The following ST6GALNAC1 variants were observed in gnomAD, a reference collection of about 807,000 sequenced individuals.
The protein encoded by ST6GALNAC1 is ST6 N-acetylgalactosaminide alpha-2,6-sialyltransferase 1.
Under a neutral mutation model 56.8 loss-of-function variants are expected in ST6GALNAC1, and 45 were observed. That is an observed-to-expected ratio of 0.79 (90% confidence interval 0.62 to 1.02). ST6GALNAC1 has a LOEUF of 1.02. ST6GALNAC1 is among the 50% of genes least tolerant of loss of function. The pLI is 0.00. For synonymous variants in ST6GALNAC1, 295 were observed against 297.8 expected (o/e 0.99, Z 0.10); for missense variants, 743 against 754.8 (o/e 0.98, Z 0.18).
intron 1 of ST6GALNAC1, among the ~76,000 whole-genome samples, chr17:76,640,657 A>G (rs1005540087): frequency 5.3e-5 from 8 of 152,372 alleles, no homozygotes; most frequent in Non-Finnish European, 1.2e-4. Context: ...CTTAAAGAAC[A>G]AAAGTACAGA....
chr17:76,621,163 C>T (rs372420662), downstream of ST6GALNAC1, among the ~76,000 whole-genome samples: 79 of 146,870 alleles, frequency 5.4e-4, no homozygotes, highest in African/African-American at 1.8e-3. Context: ...TTCTTTTCTT[C>T]TCTTTTCTTT....
the ST6GALNAC1 span, among the ~76,000 whole-genome samples, chr17:76,619,133 C>T: frequency 6.6e-6 from 1 of 152,184 alleles, no homozygotes. Context: ...TTGATGTGTT[C>T]CATTCTTTAA....
chr17:76,632,353 A>G (rs2075915702), intron 1 of ST6GALNAC1, among the ~76,000 whole-genome samples: 1 of 152,036 alleles, frequency 6.6e-6, no homozygotes, highest in Non-Finnish European at 1.5e-5. Flanking sequence ...GGTTTTTGAC[A>G]TCACACATCT....
Position 76,627,251 on chromosome 17 carries a change from TG to T in ST6GALNAC1, c.1001-14del. On this transcript the variant is annotated splice_polypyrimidine_tract_variant and intron_variant, in intron 3 of 8. Coordinates refer to ENST00000156626, the MANE Select transcript of ST6GALNAC1 (RefSeq NM_018414.5). This position sits in a 1 kb window ranked among gnomAD's most constrained non-coding sequence, Gnocchi z 4.4. ...ACCTTCTGCACCACTGGAACAAGAG[TG>T]GGGGTGCTCCATTCAGAGCCCTGGG... 4 of 1,552,510 alleles carry T rather than the reference TG, an allele frequency of 2.6e-6. No individual in the cohort carries two copies. The highest frequency in any genetic ancestry group is 3.5e-6 in the Non-Finnish European group (4 of 1,148,430).
At position 76,637,822 on chromosome 17, in the gene ST6GALNAC1, A is replaced by G. The variant is rs1296421461; in HGVS notation, c.131+5686T>C. 3 of 397,710 alleles carry G rather than the reference A, an allele frequency of 7.5e-6. No individual in the cohort carries two copies. The East Asian group carries it at 1.1e-4, about 14-fold the overall frequency. 24.6% of individuals were successfully genotyped at this position (397,710 alleles called of 1,614,324 possible). ...AGAATCAGAAATCAGGAGGTGATAG[A>G]AAATAAAGTTCTGTTCTTTTCTTTT... On this transcript the variant is annotated intron_variant, in intron 1 of 8. Coordinates refer to ENST00000156626, the MANE Select transcript of ST6GALNAC1 (RefSeq NM_018414.5).
rs1420347374 is a variant in ST6GALNAC1, at chr17:76,625,256, C to G, written c.*74G>C. 1 of 1,513,728 alleles carries G rather than the reference C, an allele frequency of 6.6e-7. No homozygotes were observed. Among genetic ancestry groups the G allele is most frequent in the African/African-American group, 1.4e-5 (1 of 72,376 alleles). 93.8% of individuals were successfully genotyped at this position (1,513,728 alleles called of 1,614,324 possible). A position where few individuals can be genotyped will look rare whatever the true frequency, so the allele number is the denominator to read the frequency against. Reference sequence around the variant, plus strand: ...CTTAGTCTGAGCCATGGGAAATGGCCAAAGAGTCTCAAGATTCCCACTGTA... The same window carrying G: ...CTTAGTCTGAGCCATGGGAAATGGCGAAAGAGTCTCAAGATTCCCACTGTA... On this transcript the variant is annotated 3_prime_UTR_variant, in exon 9 of 9. Transcript: ENST00000156626.
In ST6GALNAC1 at chr17:76,625,354, G is replaced by C. The variant is rs201887138; in HGVS notation, c.1779C>G (p.Pro593=). 7 of 1,613,622 alleles carry C rather than the reference G, an allele frequency of 4.3e-6. No homozygotes were observed. In the South Asian group the frequency reaches 7.7e-5, roughly 18 times the overall value. ...GTCAGTTCTTGGCTTTGGCAGTTCCGGGACCAGGACGCTGGTACAGCCGGA... is the reference window on the plus strand; with the variant it reads ...GTCAGTTCTTGGCTTTGGCAGTTCCCGGACCAGGACGCTGGTACAGCCGGA... The part of the protein sequence containing the change: ...GIIRLYQRPG[P]GTAKAKN The change falls in exon 9 of 9, where the codon CCC becomes CCG. Residue 593 remains proline (P), a synonymous_variant. Transcript: ENST00000156626.
chr17:76,625,327 C>G lies in ST6GALNAC1; in HGVS notation c.*3G>C. On this transcript the variant is annotated 3_prime_UTR_variant, in exon 9 of 9. Transcript: ENST00000156626. ...AAGGAGACCATGGCAGCCCTGGCCC[C>G]GGTCAGTTCTTGGCTTTGGCAGTTC... The G allele has an allele frequency of 6.2e-7, 1 of 1,612,284 alleles. No homozygotes were observed. The highest frequency in any genetic ancestry group is 1.1e-5 in the South Asian group (1 of 90,864).
chr17:76,627,334 G>A lies in ST6GALNAC1; in HGVS notation c.1000+81C>T, dbSNP rs772505245. The A allele has an allele frequency of 1.1e-4, 177 of 1,579,898 alleles. 1 individual carries two copies. The highest frequency in any genetic ancestry group is 3.5e-5 in the Admixed American group (2 of 56,972). ...AGGTCTGGCAAACCCCAGGGAAGAG[G>A]CAGACCAGAAAGCCAGCTGCCCTCT... On this transcript the variant is annotated intron_variant, in intron 3 of 8. Transcript: ENST00000156626. This position sits in a 1 kb window ranked among gnomAD's most constrained non-coding sequence, Gnocchi z 4.4.
At chr17:76,640,982 C>G (rs942473851) in intron 1 of ST6GALNAC1, among the ~76,000 whole-genome samples, 1 of 152,182 alleles carries the variant, frequency 6.6e-6, no homozygotes, top group East Asian at 1.9e-4. Context: ...AAATTAATTG[C>G]CTGTTTTTCT....
intron 1 of ST6GALNAC1, among the ~76,000 whole-genome samples, chr17:76,640,217 CA>C (rs2076032267): frequency 6.6e-6 from 1 of 152,132 alleles, no homozygotes; most frequent in Non-Finnish European, 1.5e-5. Context: ...TCTGCCCTCC[CA>C]CCGGGAAGTG....
Position 76,640,747 on chromosome 17 carries a change from G to A in ST6GALNAC1, c.131+2761C>T, listed in dbSNP as rs556522690. On this transcript the variant is annotated intron_variant, in intron 1 of 8. Coordinates refer to ENST00000156626, the MANE Select transcript of ST6GALNAC1 (RefSeq NM_018414.5). ...CCTTCCTAAAAATTGCACAAAGTCCGGTGACCACAAAGGAAAAGATGGACA... is the reference window on the plus strand; with the variant it reads ...CCTTCCTAAAAATTGCACAAAGTCCAGTGACCACAAAGGAAAAGATGGACA... Among the ~76,000 whole-genome samples, 10 of 152,160 alleles carry A rather than the reference G, an allele frequency of 6.6e-5. No homozygotes were observed. In the East Asian group the frequency reaches 1.3e-3, roughly 21 times the overall value.
chr17:76,635,852 C>T (rs1288279689), intron 1 of ST6GALNAC1, among the ~76,000 whole-genome samples: 1 of 152,070 alleles, frequency 6.6e-6, no homozygotes, highest in Admixed American at 6.6e-5. Context: ...GAGAAACAGA[C>T]ATGAGTATAA....
At chr17:76,640,460 C>A (rs1452875826) in intron 1 of ST6GALNAC1, among the ~76,000 whole-genome samples, 1 of 152,188 alleles carries the variant, frequency 6.6e-6, no homozygotes, top group Non-Finnish European at 1.5e-5. Context: ...GACTCTCAGG[C>A]AGCCCATTCC....
intron 1 of ST6GALNAC1, among the ~76,000 whole-genome samples, chr17:76,632,730 G>A (rs920875239): frequency 6.6e-6 from 1 of 152,052 alleles, no homozygotes; most frequent in South Asian, 2.1e-4. Flanking sequence ...CAACGCGTTC[G>A]GCCCTGTGTG....
intron 1 of ST6GALNAC1, among the ~76,000 whole-genome samples, chr17:76,634,468 C>G (rs1411720053): frequency 6.6e-6 from 1 of 152,162 alleles, no homozygotes; most frequent in African/African-American, 2.4e-5. Flanking sequence ...GTTCCCAAGA[C>G]CCCCTTGGTG....
At position 76,636,885 on chromosome 17, in the gene ST6GALNAC1, A is replaced by T. The variant is rs1460419426; in HGVS notation, c.131+6623T>A. On this transcript the variant is annotated intron_variant, in intron 1 of 8. Coordinates refer to ENST00000156626, the MANE Select transcript of ST6GALNAC1 (RefSeq NM_018414.5). ...CAGATTGTTACTGTGTCTGTGTAGA[A>T]AGAAGTAGACATAGGAGACTCCATT... Among the ~76,000 whole-genome samples, 5 of 152,078 alleles carry T rather than the reference A, an allele frequency of 3.3e-5. No homozygotes were observed. The East Asian group carries it at 7.7e-4, about 23-fold the overall frequency.
chr17:76,628,270 C>CCCTCCCTCCTTA (rs2075839795), intron 2 of ST6GALNAC1, among the ~76,000 whole-genome samples: 1 of 136,624 alleles, frequency 7.3e-6, no homozygotes, highest in African/African-American at 2.7e-5. Flanking sequence ...CTCCCTCCCT[C>CCCTCCCTCCTTA]CTTCCTTCCT....
At chr17:76,621,403 G>C (rs1469933578), downstream of ST6GALNAC1, among the ~76,000 whole-genome samples, 1 of 151,336 alleles carries the variant, frequency 6.6e-6, no homozygotes, top group African/African-American at 2.4e-5. Context: ...GAATGGTCTC[G>C]ATCTCTTGAC....
Sources: allele counts gnomAD v4.1 joint callset (sites outside exome capture counted in the v4.1 genomes callset), GRCh38; gene constraint gnomAD v4.1.1; non-coding constraint Gnocchi (gnomAD v3.1); transcripts MANE v1.5; gene names NCBI Gene and HGNC (gene_info 2026-07-23, HGNC 2026-07-21).